Variants in HECW2 observed in about 807,000 individuals in gnomAD.
HECW2 encodes the protein E3 ubiquitin-protein ligase HECW2.
A neutral mutation model predicts 175.2 loss-of-function variants in HECW2; 61 were observed. That is an observed-to-expected ratio of 0.35 (90% CI 0.28 to 0.43). The LOEUF (loss-of-function observed/expected upper bound fraction) is 0.43. HECW2 is among the 20% of genes least tolerant of loss of function. The pLI is 1.00. For missense variants in HECW2, 1,524 were observed against 2,000.5 expected, an observed-to-expected ratio of 0.76 and a Z score of 4.54; for synonymous variants, 671 against 731.0, an observed-to-expected ratio of 0.92 and a Z score of 1.32.
At chr2:196,260,955 A>G (rs941372212) in intron 17 of HECW2, among the ~76,000 whole-genome samples, 1 of 152,188 alleles carries the variant, frequency 6.6e-6, no homozygotes, top group Non-Finnish European at 1.5e-5. Context: ...GATGAGATGG[A>G]TGACATTTAT....
At chr2:196,544,085 A>G (rs2125471665) in intron 1 of HECW2, among the ~76,000 whole-genome samples, 1 of 152,356 alleles carries the variant, frequency 6.6e-6, no homozygotes, top group East Asian at 1.9e-4. Context: ...TGACTACCTC[A>G]AGCAGCTCTC....
chr2:196,454,074 G>C (rs1034212360), intron 1 of HECW2, among the ~76,000 whole-genome samples: 1 of 152,018 alleles, frequency 6.6e-6, no homozygotes, highest in Non-Finnish European at 1.5e-5. Context: ...GCAGTTGCAC[G>C]GTCTCAGCTC....
chr2:196,242,276 C>A, intron 19 of HECW2, 72 bp from the exon 20 acceptor site: 2 of 1,575,958 alleles, frequency 1.3e-6, no homozygotes, highest in South Asian at 2.3e-5. Flanking sequence ...TCACCATGGA[C>A]AAAAGCTATC....
chr2:196,248,597 G>GACACACACACACAC lies in HECW2; in HGVS notation c.3529+5309_3529+5322dup, dbSNP rs35800907. 7.3e-4 allele frequency among the ~76,000 whole-genome samples: 105 copies of GACACACACACACAC among 144,030 alleles called. 1 individual carries two copies. Among genetic ancestry groups the GACACACACACACAC allele is most frequent in the African/African-American group, 1.8e-3 (71 of 38,648 alleles). The allele number at this position is 144,030 out of a possible 152,430, so 94.5% of individuals were successfully genotyped here. A position where few individuals can be genotyped will look rare whatever the true frequency, so the allele number is the denominator to read the frequency against. ...CAGATGAGAGAGAGAGAGACAGACA[G>GACACACACACACAC]ACACACACACACACACACACACACA... On this transcript the variant is annotated intron_variant, in intron 19 of 28. Transcript: ENST00000644978.
intron 19 of HECW2, among the ~76,000 whole-genome samples, chr2:196,245,148 G>A (rs898557014): frequency 1.3e-5 from 2 of 152,184 alleles, no homozygotes; most frequent in African/African-American, 4.8e-5. Flanking sequence ...AAGCAAGAAA[G>A]AAGAATGGGA....
intron 2 of HECW2, among the ~76,000 whole-genome samples, chr2:196,350,580 A>G (rs1693134548): frequency 6.6e-6 from 1 of 152,220 alleles, no homozygotes; most frequent in Admixed American, 6.5e-5. Context: ...TGGACCATGC[A>G]TATGTCTTTG....
At chr2:196,299,371 T>C (rs1690945387) in intron 13 of HECW2, among the ~76,000 whole-genome samples, 1 of 150,246 alleles carries the variant, frequency 6.7e-6, no homozygotes. Flanking sequence ...ATTTTCATAC[T>C]GTTAAAACAT....
intron 21 of HECW2, 64 bp downstream of exon 21, chr2:196,240,385 T>C: frequency 3.4e-6 from 4 of 1,172,700 alleles, no homozygotes; most frequent in South Asian, 3.0e-5. Context: ...CACAGCGACG[T>C]GGAGAAACAT....
At chr2:196,369,951 C>G (rs1005394399) in intron 2 of HECW2, among the ~76,000 whole-genome samples, 3 of 151,562 alleles carry the variant, frequency 2.0e-5, no homozygotes, top group African/African-American at 7.3e-5. Context: ...AGGGTATTTC[C>G]AGAAATGCCA....
intron 16 of HECW2, among the ~76,000 whole-genome samples, chr2:196,272,858 C>T (rs1689790116): frequency 6.6e-6 from 1 of 151,314 alleles, no homozygotes; most frequent in African/African-American, 2.4e-5. Context: ...TTTAAAATTC[C>T]ATGTGCAGTA....
At chr2:196,467,069 G>A (rs6731829) in intron 1 of HECW2, among the ~76,000 whole-genome samples, 5,204 of 152,196 alleles carry the variant, frequency 0.034, 290 homozygotes, top group African/African-American at 0.12. Flanking sequence ...AGTACCAGTT[G>A]ATGTCAGCTT....
intron 2 of HECW2, among the ~76,000 whole-genome samples, chr2:196,366,062 G>A (rs1037818153): frequency 6.6e-6 from 1 of 152,156 alleles, no homozygotes; most frequent in Non-Finnish European, 1.5e-5. Flanking sequence ...CAGTAATTAA[G>A]AATCATCCAC....
At chr2:196,582,619 A>G (rs1490950385) in intron 1 of HECW2, among the ~76,000 whole-genome samples, 1 of 152,198 alleles carries the variant, frequency 6.6e-6, no homozygotes, top group East Asian at 1.9e-4. Flanking sequence ...GTAGAGATCC[A>G]TAACACCTGT....
In HECW2 at chr2:196,274,090, C is replaced by G. The variant is rs375808221; in HGVS notation, c.3169G>C (p.Val1057Leu). 5.6e-6 allele frequency: 9 copies of G among 1,613,998 alleles called. No individual in the cohort carries two copies. In the Admixed American group the frequency reaches 8.3e-5, roughly 15 times the overall value. Reference protein sequence around the residue: ...GEDSRHAGPPVLPRPSSTFNT... With the variant: ...GEDSRHAGPPLLPRPSSTFNT... Reference sequence around the variant, plus strand: ...AATGTACTGGATGGCCTGGGAAGAACTGGTGGTCCTGCATGTCGAGAATCT... The same window carrying G: ...AATGTACTGGATGGCCTGGGAAGAAGTGGTGGTCCTGCATGTCGAGAATCT... The change falls in exon 16 of 29, where the codon GTT (valine) becomes CTT (leucine). Residue 1057 changes from valine to leucine, a missense_variant. Transcript: ENST00000644978.
chr2:196,346,061 T>C (rs1249670153), intron 2 of HECW2, among the ~76,000 whole-genome samples: 1 of 152,210 alleles, frequency 6.6e-6, no homozygotes, highest in East Asian at 1.9e-4. Context: ...TGTAACAGAT[T>C]CCTTCCTCTT....
intron 2 of HECW2, among the ~76,000 whole-genome samples, chr2:196,419,026 C>T (rs916128703): frequency 3.3e-5 from 5 of 152,142 alleles, no homozygotes; most frequent in African/African-American, 1.2e-4. Flanking sequence ...AACCAACTCT[C>T]GAATGAATTA....
intron 21 of HECW2, among the ~76,000 whole-genome samples, chr2:196,236,868 G>A (rs1688271099): frequency 6.6e-6 from 1 of 152,182 alleles, no homozygotes; most frequent in Non-Finnish European, 1.5e-5. Flanking sequence ...CATAGTGTTT[G>A]TCAGGTTTCT....
At chr2:196,341,478 G>C (rs566484294) in intron 3 of HECW2, among the ~76,000 whole-genome samples, 130 of 152,230 alleles carry the variant, frequency 8.5e-4, no homozygotes, top group African/African-American at 3.0e-3. Flanking sequence ...TTAGATAGTC[G>C]TGCCAGCTGG....
At chr2:196,484,736 C>T (rs1393680687) in intron 1 of HECW2, among the ~76,000 whole-genome samples, 7 of 152,158 alleles carry the variant, frequency 4.6e-5, no homozygotes, top group Admixed American at 4.6e-4. Context: ...TGCCAGGCAC[C>T]GCCCTCCCCA....
Sources: gnomAD v4.1 joint callset for allele counts (sites outside exome capture counted in the v4.1 genomes callset) on GRCh38, gnomAD v4.1.1 for gene constraint, MANE v1.5 for transcripts, NCBI Gene and HGNC (gene_info 2026-07-23, HGNC 2026-07-21) for gene names.